Variants in PBRM1 observed in about 807,000 individuals in gnomAD.
PBRM1 encodes polybromo 1.
In PBRM1, 27 loss-of-function variants were observed where a neutral mutation model predicts 194.5. That is an observed-to-expected ratio of 0.14 (90% CI 0.10 to 0.19). The LOEUF (loss-of-function observed/expected upper bound fraction) is 0.19. Ranked by LOEUF, PBRM1 falls within the 10% of genes least tolerant of loss-of-function variation. The probability of loss-of-function intolerance (pLI) is 1.00; values close to 1 mark genes in which losing one functional copy is unlikely to be tolerated. For missense variants in PBRM1, 1,466 were observed against 2,077.2 expected (o/e 0.71, Z 5.72); for synonymous variants, 655 against 693.2 (o/e 0.94, Z 0.87).
intron 2 of PBRM1, among the ~76,000 whole-genome samples, chr3:52,676,819 G>C (rs1463941232): frequency 6.6e-6 from 1 of 152,206 alleles, no homozygotes; most frequent in Non-Finnish European, 1.5e-5. Context: ...TCCAGGCTGA[G>C]GTGGTCTCAG....
rs1010229047 is a variant in PBRM1, at chr3:52,668,660, A to T, written c.237-15T>A. The stretch of plus-strand genomic sequence containing the variant: ...CTGGTTGATTTCTGTTATAATTTAA[A>T]TTTTTTTAAAGGAGATTAATCTGAA... On this transcript the variant is annotated splice_polypyrimidine_tract_variant and intron_variant, in intron 2 of 29. Transcript: ENST00000296302. 6.0e-6 allele frequency: 9 copies of T among 1,498,238 alleles called. No homozygotes were observed. The highest frequency in any genetic ancestry group is 8.1e-6 in the Non-Finnish European group (9 of 1,114,742). The allele number at this position is 1,498,238 out of a possible 1,614,324, so 92.8% of individuals were successfully genotyped here. A position where few individuals can be genotyped will look rare whatever the true frequency, so the allele number is the denominator to read the frequency against.
At chr3:52,649,604 G>A (rs373142848) in intron 6 of PBRM1, among the ~76,000 whole-genome samples, 3 of 152,250 alleles carry the variant, frequency 2.0e-5, no homozygotes, top group African/African-American at 7.2e-5. Flanking sequence ...TATCCAATAT[G>A]CTTTTCAAAA....
chr3:52,668,374 C>T, intron 3 of PBRM1, 124 bp downstream of exon 4: 1 of 632,758 alleles, frequency 1.6e-6, no homozygotes, highest in Non-Finnish European at 2.7e-6. Flanking sequence ...ACGAATAAGA[C>T]AAATGCGAAC....
chr3:52,624,915 C>T, intron 13 of PBRM1: 2 of 1,547,790 alleles, frequency 1.3e-6, no homozygotes, highest in Non-Finnish European at 1.7e-6. Flanking sequence ...CCTCCTGAGA[C>T]CCAACATCTC....
At chr3:52,594,428 G>C (rs1047602019) in intron 17 of PBRM1, among the ~76,000 whole-genome samples, 4 of 152,106 alleles carry the variant, frequency 2.6e-5, no homozygotes, top group African/African-American at 9.7e-5. Flanking sequence ...TTGCTTGGTA[G>C]ATTTTTCTCC....
chr3:52,551,056 A>G (rs2080865892), intron 27 of PBRM1, among the ~76,000 whole-genome samples: 1 of 152,226 alleles, frequency 6.6e-6, no homozygotes, highest in African/African-American at 2.4e-5. Context: ...TATGGCTTAG[A>G]AATGATTTGA....
chr3:52,621,869 C>G (rs912170820), intron 13 of PBRM1, among the ~76,000 whole-genome samples: 4 of 151,246 alleles, frequency 2.6e-5, no homozygotes, highest in Admixed American at 2.6e-4. Context: ...CTGGGCAATA[C>G]AGTGAGACAC....
chr3:52,636,137 C>T (rs1315361023), intron 10 of PBRM1, among the ~76,000 whole-genome samples: 1 of 151,952 alleles, frequency 6.6e-6, no homozygotes. Flanking sequence ...TCCCAAAGTG[C>T]TGGGATTACA....
chr3:52,577,238 C>T (rs905473746), intron 21 of PBRM1, among the ~76,000 whole-genome samples: 1 of 152,022 alleles, frequency 6.6e-6, no homozygotes, highest in Non-Finnish European at 1.5e-5. Context: ...CAAGACCAGC[C>T]TGGACAACAT....
At chr3:52,618,321 G>C (rs1409890002) in intron 13 of PBRM1, among the ~76,000 whole-genome samples, 1 of 152,188 alleles carries the variant, frequency 6.6e-6, no homozygotes, top group Non-Finnish European at 1.5e-5. Flanking sequence ...ATTAGATCCA[G>C]AGTTCAAAAG....
upstream of PBRM1, chr3:52,681,178 G>A (rs542508165): frequency 6.6e-6 from 1 of 151,826 alleles, no homozygotes; most frequent in Admixed American, 6.5e-5. Context: ...TGAATGATTA[G>A]AACAGGAGAA....
downstream of PBRM1, chr3:52,547,695 A>T (rs1437673436): frequency 1.3e-5 from 3 of 236,156 alleles, no homozygotes; most frequent in East Asian, 1.8e-4. Context: ...ATATATATAT[A>T]AAAAAACCCA....
rs1173109368 is a variant in PBRM1, at chr3:52,552,108, C to T, written c.4610-1291G>A. Among the ~76,000 whole-genome samples the T allele has an allele frequency of 2.0e-5, 3 of 152,276 alleles. No individual in the cohort carries two copies. The East Asian group carries it at 5.8e-4, about 29-fold the overall frequency. Reference sequence around the variant, plus strand: ...CCAAAGTAGGATCCTGATGATTATTCGTGAATGAATGAAGAGGTTGTGGTG... The same window carrying T: ...CCAAAGTAGGATCCTGATGATTATTTGTGAATGAATGAAGAGGTTGTGGTG... On this transcript the variant is annotated intron_variant, in intron 27 of 29. Transcript: ENST00000296302.
intron 20 of PBRM1, among the ~76,000 whole-genome samples, chr3:52,582,236 C>T (rs2091413219): frequency 1.0e-5 from 1 of 97,432 alleles, no homozygotes; most frequent in Non-Finnish European, 2.0e-5. Flanking sequence ...AGCGAGACTC[C>T]GTTTCAAAAA....
intron 13 of PBRM1, among the ~76,000 whole-genome samples, chr3:52,621,581 T>C (rs1388367797): frequency 6.6e-6 from 1 of 152,246 alleles, no homozygotes; most frequent in Non-Finnish European, 1.5e-5. Flanking sequence ...TCCCCATTTT[T>C]GGAAAAGTAA....
At position 52,635,522 on chromosome 3, in the gene PBRM1, C is replaced by T. The variant is rs1461348041; in HGVS notation, c.1088-707G>A. 4.6e-5 allele frequency among the ~76,000 whole-genome samples: 7 copies of T among 152,056 alleles called. No homozygotes were observed. The East Asian group carries it at 9.7e-4, about 21-fold the overall frequency. ...CGGAGGTTGCAGTGAGCCGAGATTA[C>T]ACCACTGTACTCCAGCCTGGGTGAC... is the stretch of plus-strand genomic sequence containing the variant. On this transcript the variant is annotated intron_variant, in intron 10 of 29. Coordinates refer to ENST00000296302, the Ensembl canonical transcript of PBRM1.
intron 7 of PBRM1, 50 bp from the exon 9 acceptor site, chr3:52,644,839 G>T (rs1451139100): frequency 1.1e-6 from 1 of 877,388 alleles, no homozygotes. Flanking sequence ...TAAAAGGACA[G>T]CTTAATGCCC....
chr3:52,548,305 TC>T lies in PBRM1; in HGVS notation c.4898-71del, dbSNP rs2079974572. On this transcript the variant is annotated intron_variant, in intron 29 of 29. Coordinates refer to ENST00000296302, the Ensembl canonical transcript of PBRM1. ...GGCAAAATTTCCCTCAGTTCTAAGG[TC>T]TGACGAACTTATTAAAACACAAAAC... 3.6e-6 allele frequency: 4 copies of T among 1,102,756 alleles called. No homozygotes were observed. The East Asian group carries it at 1.1e-4, about 30-fold the overall frequency. The allele number at this position is 1,102,756 out of a possible 1,614,324, so 68.3% of individuals were successfully genotyped here.
At chr3:52,684,326 A>G (rs868266020), upstream of PBRM1, among the ~76,000 whole-genome samples, 2 of 152,188 alleles carry the variant, frequency 1.3e-5, no homozygotes, top group Non-Finnish European at 2.9e-5. Context: ...TCAATAATTT[A>G]TAGTGGACAG....
Sources: allele counts gnomAD v4.1 joint callset (sites outside exome capture counted in the v4.1 genomes callset), GRCh38; gene constraint gnomAD v4.1.1; transcripts MANE v1.5; gene names NCBI Gene and HGNC (gene_info 2026-07-23, HGNC 2026-07-21).